The following EBF2 variants were observed in gnomAD, a reference collection of about 807,000 sequenced individuals.
EBF2 encodes the protein transcription factor COE2.
EBF2 carries 21 observed loss-of-function variants against 72.8 expected under a neutral mutation model. The observed-to-expected ratio is 0.29, with a 90% CI of 0.20 to 0.42. EBF2 has a LOEUF of 0.42. EBF2 is among the 10% of genes least tolerant of loss of function. The probability of loss-of-function intolerance (pLI) is 1.00; values close to 1 mark genes in which losing one functional copy is unlikely to be tolerated. For synonymous variants in EBF2, 299 were observed against 274.2 expected (o/e 1.09, Z -0.89); for missense variants, 637 against 731.2 (o/e 0.87, Z 1.49).
intron 7 of EBF2, among the ~76,000 whole-genome samples, chr8:25,907,887 G>A (rs1803064658): frequency 6.6e-6 from 1 of 152,144 alleles, no homozygotes; most frequent in Non-Finnish European, 1.5e-5. Context: ...GATACACTTT[G>A]CCTCGCTCTG....
chr8:25,920,906 C>T (rs1409628536), intron 6 of EBF2, among the ~76,000 whole-genome samples: 1 of 151,724 alleles, frequency 6.6e-6, no homozygotes, highest in Non-Finnish European at 1.5e-5. Context: ...TTATGTGCTA[C>T]CTAAAAGTTG....
chr8:26,024,153 C>A (rs1805259347), intron 6 of EBF2, among the ~76,000 whole-genome samples: 1 of 152,108 alleles, frequency 6.6e-6, no homozygotes, highest in Non-Finnish European at 1.5e-5. Flanking sequence ...TTTCCAGGTG[C>A]CTTTTCCAAC....
At position 25,908,704 on chromosome 8, in the gene EBF2, C is replaced by A. The variant is rs866601954; in HGVS notation, c.552-149G>T. ...CCTGCCTGTGAAGGAACACTGCTGACCCTCTGCAATTTGCAAATTTGGATG... is the reference window on the plus strand; with the variant it reads ...CCTGCCTGTGAAGGAACACTGCTGAACCTCTGCAATTTGCAAATTTGGATG... On this transcript the variant is annotated intron_variant, in intron 6 of 15. Coordinates refer to ENST00000520164, the MANE Select transcript of EBF2 (RefSeq NM_022659.4). The A allele has an allele frequency of 6.5e-5, 40 of 619,760 alleles. No homozygotes were observed. The South Asian group carries it at 7.3e-4, about 11-fold the overall frequency. 38.4% of individuals were successfully genotyped at this position (619,760 alleles called of 1,614,324 possible). A position where few individuals can be genotyped will look rare whatever the true frequency, so the allele number is the denominator to read the frequency against.
chr8:25,917,895 A>G lies in EBF2; in HGVS notation c.552-9340T>C, dbSNP rs989314375. On this transcript the variant is annotated intron_variant, in intron 6 of 15. Coordinates refer to ENST00000520164, the MANE Select transcript of EBF2 (RefSeq NM_022659.4). ...CTGTTTTGCCAGATGGTTGAGGCCA[A>G]TGTGTAAAACTCTCTACCCTACCAT... 3.3e-5 allele frequency among the ~76,000 whole-genome samples: 5 copies of G among 152,182 alleles called. No homozygotes were observed. In the East Asian group the frequency reaches 9.6e-4, roughly 29 times the overall value.
chr8:25,987,992 C>T (rs1197852912), intron 6 of EBF2, among the ~76,000 whole-genome samples: 2 of 152,154 alleles, frequency 1.3e-5, no homozygotes, highest in Admixed American at 1.3e-4. Flanking sequence ...TTTTTCATAA[C>T]ATAGGTGCAT....
intron 6 of EBF2, among the ~76,000 whole-genome samples, chr8:25,925,109 T>A (rs1803365126): frequency 6.6e-6 from 1 of 152,178 alleles, no homozygotes; most frequent in East Asian, 1.9e-4. Flanking sequence ...ATTTTCCTAT[T>A]GTTGGGATTA....
chr8:25,923,311 C>G (rs1178545284), intron 6 of EBF2, among the ~76,000 whole-genome samples: 1 of 152,230 alleles, frequency 6.6e-6, no homozygotes, highest in Non-Finnish European at 1.5e-5. Context: ...ATACATGAGT[C>G]AGAATTTATG....
intron 4 of EBF2, 66 bp downstream of exon 4, chr8:26,040,549 CA>C: frequency 6.7e-7 from 1 of 1,488,048 alleles, no homozygotes; most frequent in Non-Finnish European, 9.1e-7. Flanking sequence ...AGGTCAGAAA[CA>C]AACTGGGGGG....
intron 1 of EBF2, among the ~76,000 whole-genome samples, chr8:26,043,510 C>A (rs1302518762): frequency 6.6e-6 from 1 of 152,168 alleles, no homozygotes; most frequent in Non-Finnish European, 1.5e-5. Flanking sequence ...GCGGGCCAGT[C>A]CCGAAGCGCT....
intron 6 of EBF2, among the ~76,000 whole-genome samples, chr8:26,001,741 G>T (rs2117220615): frequency 6.6e-6 from 1 of 152,122 alleles, no homozygotes; most frequent in East Asian, 1.9e-4. Context: ...TAGAGACAGG[G>T]TTTCACCATT....
At chr8:25,889,897 G>C (rs1475707938) in intron 7 of EBF2, 28 bp from the exon 8 acceptor site, 2 of 1,589,786 alleles carry the variant, frequency 1.3e-6, no homozygotes, top group African/African-American at 2.7e-5. Context: ...AAAGGAGAAA[G>C]GGGGTGCAGT....
At chr8:25,983,651 C>CACCCCAGCCG (rs1264119944) in intron 6 of EBF2, among the ~76,000 whole-genome samples, 2 of 152,194 alleles carry the variant, frequency 1.3e-5, no homozygotes, top group East Asian at 3.9e-4. Context: ...CCCCAGCATT[C>CACCCCAGCCG]ACCCCAGCCG....
intron 6 of EBF2, among the ~76,000 whole-genome samples, chr8:26,014,097 T>A (rs1204745386): frequency 6.6e-6 from 1 of 152,176 alleles, no homozygotes; most frequent in Admixed American, 6.5e-5. Context: ...GAATAACCTA[T>A]ACCTACATGA....
At chr8:25,979,539 A>G (rs1283639676) in intron 6 of EBF2, among the ~76,000 whole-genome samples, 1 of 152,226 alleles carries the variant, frequency 6.6e-6, no homozygotes, top group Admixed American at 6.5e-5. Flanking sequence ...TCTCCAATAA[A>G]AGAGAGAGCA....
intron 6 of EBF2, among the ~76,000 whole-genome samples, chr8:25,986,712 A>G (rs1030834333): frequency 3.3e-5 from 5 of 152,104 alleles, no homozygotes; most frequent in African/African-American, 9.7e-5. Flanking sequence ...ATGGCACAAT[A>G]CTCTGTGATT....
chr8:25,876,140 T>C lies in EBF2; in HGVS notation c.1009+10615A>G, dbSNP rs118121768. Among the ~76,000 whole-genome samples the C allele has an allele frequency of 2.2e-4, 33 of 152,344 alleles. No homozygotes were observed. The East Asian group carries it at 4.6e-3, about 21-fold the overall frequency. On this transcript the variant is annotated intron_variant, in intron 10 of 15. Transcript: ENST00000520164. ...ACATGGATGAAGCTGGAAGCCATTATGCTCAGCGAACTAACATGGGAACAC... is the reference window on the plus strand; with the variant it reads ...ACATGGATGAAGCTGGAAGCCATTACGCTCAGCGAACTAACATGGGAACAC...
intron 10 of EBF2, among the ~76,000 whole-genome samples, chr8:25,872,726 T>C (rs1296827604): frequency 6.6e-6 from 1 of 152,096 alleles, no homozygotes; most frequent in East Asian, 1.9e-4. Context: ...CCCTTAAATC[T>C]ATATAATGTG....
At position 25,862,572 on chromosome 8, in the gene EBF2, A is replaced by C. The variant is rs1434615102; in HGVS notation, c.1098+137T>G. 1.1e-5 allele frequency: 5 copies of C among 470,694 alleles called. No individual in the cohort carries two copies. In the Admixed American group the frequency reaches 1.5e-4, roughly 14 times the overall value. The allele number at this position is 470,694 out of a possible 1,614,324, so 29.2% of individuals were successfully genotyped here. A position where few individuals can be genotyped will look rare whatever the true frequency, so the allele number is the denominator to read the frequency against. ...TAATATATTTCATAGCAGATATTTT[A>C]TGTGCATCTCGTATCTAAAGCTTAG... is the stretch of plus-strand genomic sequence containing the variant. On this transcript the variant is annotated intron_variant, in intron 11 of 15. Transcript: ENST00000520164.
chr8:26,019,441 G>T (rs1805170338), intron 6 of EBF2, among the ~76,000 whole-genome samples: 1 of 152,182 alleles, frequency 6.6e-6, no homozygotes, highest in Non-Finnish European at 1.5e-5. Context: ...TTGGACTTCT[G>T]CTTCTTCCTC....
Sources: gnomAD v4.1 joint callset for allele counts (sites outside exome capture counted in the v4.1 genomes callset) on GRCh38, gnomAD v4.1.1 for gene constraint, MANE v1.5 for transcripts, NCBI Gene and HGNC (gene_info 2026-07-23, HGNC 2026-07-21) for gene names.